TEPSIN: variants seen among roughly 807,000 people sequenced by gnomAD.
The protein encoded by TEPSIN is TEPSIN adaptor related protein complex 4 accessory protein.
TEPSIN carries 50 observed loss-of-function variants against 48.5 expected under a neutral mutation model. The ratio of observed to expected loss-of-function variants is 1.03; its 90% CI spans 0.82 to 1.31. TEPSIN has a LOEUF of 1.31. Ranked by LOEUF, TEPSIN falls within the 50% of genes most tolerant of loss-of-function variation. The probability of loss-of-function intolerance (pLI) is 0.00; values close to 1 mark genes in which losing one functional copy is unlikely to be tolerated. For missense variants in TEPSIN, 838 were observed against 815.9 expected, an observed-to-expected ratio of 1.03 and a Z score of -0.33; for synonymous variants, 392 against 358.8, an observed-to-expected ratio of 1.09 and a Z score of -1.05.
chr17:81,233,324 G>C lies in TEPSIN; in HGVS notation c.526+108C>G, dbSNP rs531682751. The C allele has an allele frequency of 4.2e-5, 55 of 1,314,098 alleles. No individual in the cohort carries two copies. In the East Asian group the frequency reaches 1.2e-3, roughly 28 times the overall value. The allele number at this position is 1,314,098 out of a possible 1,614,324, so 81.4% of individuals were successfully genotyped here. The stretch of plus-strand genomic sequence containing the variant: ...GAAGGGTTGAGGCCATGTAGGGGAG[G>C]GGACGGGGGACAGCAGCTACTAGAT... On this transcript the variant is annotated intron_variant, in intron 7 of 12. Coordinates refer to ENST00000637944, the MANE Select transcript of TEPSIN (RefSeq NM_001363764.2). The surrounding 1 kb of genome is among the most constrained non-coding windows in gnomAD (Gnocchi z 5.8).
rs1479845001 is a variant in TEPSIN, at chr17:81,230,841, A to G, written c.1099-163T>C. The G allele has an allele frequency of 5.6e-6, 5 of 886,774 alleles. No homozygotes were observed. The highest frequency in any genetic ancestry group is 6.5e-6 in the Non-Finnish European group (4 of 618,728). The allele number at this position is 886,774 out of a possible 1,614,324, so 54.9% of individuals were successfully genotyped here. A position where few individuals can be genotyped will look rare whatever the true frequency, so the allele number is the denominator to read the frequency against. ...CACAGCCCTGTCCTCACCGCCTTAC[A>G]CCCCGGATCCCAGACACCACAGCCC... On this transcript the variant is annotated intron_variant, in intron 11 of 12. Coordinates refer to ENST00000637944, the MANE Select transcript of TEPSIN (RefSeq NM_001363764.2). The surrounding 1 kb of genome is among the most constrained non-coding windows in gnomAD (Gnocchi z 4.2).
chr17:81,234,966 A>G lies in TEPSIN; in HGVS notation c.308-918T>C, dbSNP rs142316808. On this transcript the variant is annotated intron_variant, in intron 4 of 12. Coordinates refer to ENST00000637944, the MANE Select transcript of TEPSIN (RefSeq NM_001363764.2). This position sits in a 1 kb window ranked among gnomAD's most constrained non-coding sequence, Gnocchi z 5.4. Reference sequence around the variant, plus strand: ...AGGTCAGCACGACCATGAACCACAAATAACATCTCCAACCAGAAACATTCC... The same window carrying G: ...AGGTCAGCACGACCATGAACCACAAGTAACATCTCCAACCAGAAACATTCC... Among the ~76,000 whole-genome samples the G allele has an allele frequency of 4.6e-5, 7 of 152,246 alleles. 1 individual carries two copies. The highest frequency in any genetic ancestry group is 1.7e-4 in the African/African-American group (7 of 41,556).
At position 81,229,353 on chromosome 17, in the gene TEPSIN, G is replaced by C. The variant is rs2062538727; in HGVS notation, c.1357C>G (p.Pro453Ala). 6.4e-7 allele frequency: 1 copy of C among 1,563,138 alleles called. No homozygotes were observed. The highest frequency in any genetic ancestry group is 1.4e-5 in the African/African-American group (1 of 73,628). The change falls in exon 13 of 13, where the codon CCT becomes GCT. Residue 453 changes from proline to alanine, a missense_variant. Transcript: ENST00000637944. The stretch of plus-strand genomic sequence containing the variant: ...GGCTGCAGGAAGACCTGGCTCCCAG[G>C]GAGAGGCACAGCGTCGGTCAGCAGG... ...SDLLTDAVPLPGSQVFLQPLS... is the reference protein window; with the variant it reads ...SDLLTDAVPLAGSQVFLQPLS...
chr17:81,228,655 C>CTTGT lies in TEPSIN; in HGVS notation c.*272_*273insACAA. ...GCTTCCGCATTCATACAAGAAACCT[C>CTTGT]ATGTCTGAGAGCAAGACAGGCAGGG... On this transcript the variant is annotated 3_prime_UTR_variant, in exon 13 of 13. Coordinates refer to ENST00000637944, the MANE Select transcript of TEPSIN (RefSeq NM_001363764.2). 1.9e-6 allele frequency: 1 copy of CTTGT among 532,154 alleles called. No individual in the cohort carries two copies. Among genetic ancestry groups the CTTGT allele is most frequent in the Non-Finnish European group, 3.3e-6 (1 of 306,086 alleles). 33.0% of individuals were successfully genotyped at this position (532,154 alleles called of 1,614,324 possible).
chr17:81,235,684 C>T (rs971434688), intron 4 of TEPSIN, among the ~76,000 whole-genome samples: 7 of 152,144 alleles, frequency 4.6e-5, no homozygotes, highest in South Asian at 4.1e-4. Flanking sequence ...GCCTGGAGCC[C>T]GGGGCCCTCT....
chr17:81,236,895 C>T (rs991262873), intron 3 of TEPSIN, 85 bp downstream of exon 3: 150 of 1,529,358 alleles, frequency 9.8e-5, no homozygotes, highest in Non-Finnish European at 1.2e-4. Flanking sequence ...GAGCTGCCTG[C>T]CACCCTGGGC....
At chr17:81,231,183 G>A (rs906174) in intron 11 of TEPSIN, 566,983 of 596,700 alleles carry the variant, frequency 0.95, 269,748 homozygotes, top group Admixed American at 0.97. Context: ...TGTACACACC[G>A]CACACATGCA....
At chr17:81,237,146 G>A in intron 2 of TEPSIN, 75 bp from the exon 3 acceptor site, 1 of 1,456,596 alleles carries the variant, frequency 6.9e-7, no homozygotes, top group African/African-American at 1.4e-5. Context: ...AGGCCATGGG[G>A]CCTCTCAGTT....
chr17:81,237,324 T>C, intron 2 of TEPSIN, 63 bp downstream of exon 2: 4 of 1,552,022 alleles, frequency 2.6e-6, no homozygotes, highest in Non-Finnish European at 3.5e-6. Context: ...AGGAACCCTT[T>C]GCACCACTCT....
chr17:81,230,465 C>A lies in TEPSIN; in HGVS notation c.1233+79G>T, dbSNP rs916177459. 15 of 1,557,164 alleles carry A rather than the reference C, an allele frequency of 9.6e-6. No individual in the cohort carries two copies. Among genetic ancestry groups the A allele is most frequent in the Non-Finnish European group, 1.1e-5 (13 of 1,151,624 alleles). ...GGGCTGACCAGGCGCCGGGCAGGGA[C>A]GGGGTGGCCGTGGACTGCAGCGTAT... is the stretch of plus-strand genomic sequence containing the variant. On this transcript the variant is annotated intron_variant, in intron 12 of 12. Coordinates refer to ENST00000637944, the MANE Select transcript of TEPSIN (RefSeq NM_001363764.2). The surrounding 1 kb of genome is among the most constrained non-coding windows in gnomAD (Gnocchi z 4.2).
At position 81,234,073 on chromosome 17, in the gene TEPSIN, G is replaced by C. The variant is rs769381884; in HGVS notation, c.308-25C>G. On this transcript the variant is annotated intron_variant, in intron 4 of 12. Coordinates refer to ENST00000637944, the MANE Select transcript of TEPSIN (RefSeq NM_001363764.2). The surrounding 1 kb of genome is among the most constrained non-coding windows in gnomAD (Gnocchi z 5.4). ...GCTGCAGAACAGAAAAGGCAAGTCG[G>C]GGGCAGGGCTGAGCCTGGCACCGCT... 1 of 1,566,566 alleles carries C rather than the reference G, an allele frequency of 6.4e-7. No individual in the cohort carries two copies. Among genetic ancestry groups the C allele is most frequent in the Non-Finnish European group, 8.6e-7 (1 of 1,160,976 alleles).
chr17:81,234,411 T>C lies in TEPSIN; in HGVS notation c.308-363A>G, dbSNP rs867055078. Among the ~76,000 whole-genome samples the C allele has an allele frequency of 6.6e-5, 10 of 152,116 alleles. No individual in the cohort carries two copies. Among genetic ancestry groups the C allele is most frequent in the Middle Eastern group, 3.4e-3 (1 of 294 alleles). On this transcript the variant is annotated intron_variant, in intron 4 of 12. Transcript: ENST00000637944. This position sits in a 1 kb window ranked among gnomAD's most constrained non-coding sequence, Gnocchi z 5.4. ...CGGGGCCTGGAGGGAGAAACCAGCG[T>C]TCTTATCACAGCCTGAAAGCTCCAC...
chr17:81,231,345 G>T (rs1024140187), intron 11 of TEPSIN, 53 bp downstream of exon 11: 1 of 1,452,930 alleles, frequency 6.9e-7, no homozygotes, highest in Non-Finnish European at 9.2e-7. Flanking sequence ...GCACACACAC[G>T]CACACAGGCA....
chr17:81,237,574 G>A, intron 1 of TEPSIN, 115 bp from the exon 2 acceptor site: 2 of 1,097,190 alleles, frequency 1.8e-6, no homozygotes, highest in South Asian at 3.2e-5. Flanking sequence ...CATGGCCGGA[G>A]AGAGGACTGG....
In TEPSIN at chr17:81,233,315, G is replaced by T; in HGVS notation, c.526+117C>A. On this transcript the variant is annotated intron_variant, in intron 7 of 12. Coordinates refer to ENST00000637944, the MANE Select transcript of TEPSIN (RefSeq NM_001363764.2). The surrounding 1 kb of genome is among the most constrained non-coding windows in gnomAD (Gnocchi z 5.8). ...CAGCCCCAGGAAGGGTTGAGGCCATGTAGGGGAGGGGACGGGGGACAGCAG... is the reference window on the plus strand; with the variant it reads ...CAGCCCCAGGAAGGGTTGAGGCCATTTAGGGGAGGGGACGGGGGACAGCAG... The T allele has an allele frequency of 8.1e-7, 1 of 1,236,600 alleles. No homozygotes were observed. The highest frequency in any genetic ancestry group is 1.1e-6 in the Non-Finnish European group (1 of 896,130). The allele number at this position is 1,236,600 out of a possible 1,614,324, so 76.6% of individuals were successfully genotyped here. A position where few individuals can be genotyped will look rare whatever the true frequency, so the allele number is the denominator to read the frequency against.
rs1412028838 is a variant in TEPSIN, at chr17:81,229,232, A to G, written c.1478T>C (p.Ile493Thr). The change falls in exon 13 of 13, where the codon ATT becomes ACT. Residue 493 changes from isoleucine (I) to threonine (T), a missense_variant. Coordinates refer to ENST00000637944, the MANE Select transcript of TEPSIN (RefSeq NM_001363764.2). ...VPTPPPDASP[I>T]PAPGDPSEAE... The stretch of plus-strand genomic sequence containing the variant: ...CTCGCTGGGGTCTCCGGGGGCTGGA[A>G]TGGGGGAGGCATCTGGGGGTGGGGT... The G allele has an allele frequency of 9.3e-6, 8 of 857,688 alleles. No homozygotes were observed. Among genetic ancestry groups the G allele is most frequent in the African/African-American group, 2.7e-5 (1 of 36,968 alleles). The allele number at this position is 857,688 out of a possible 1,614,324, so 53.1% of individuals were successfully genotyped here.
chr17:81,237,076 GGC>G lies in TEPSIN; in HGVS notation c.122-7_122-6del. On this transcript the variant is annotated splice_polypyrimidine_tract_variant and splice_region_variant and intron_variant, in intron 2 of 12. Coordinates refer to ENST00000637944, the MANE Select transcript of TEPSIN (RefSeq NM_001363764.2). ...CCGGAGACTCGTGGGAGATTTCTGC[GGC>G]ACGCTCGGGTTAGGGAAGGGCGAGA... 6.3e-7 allele frequency: 1 copy of G among 1,580,602 alleles called. No individual in the cohort carries two copies.
At chr17:81,231,714 C>A in intron 9 of TEPSIN, 23 bp from the exon 10 acceptor site, 1 of 1,610,476 alleles carries the variant, frequency 6.2e-7, no homozygotes, top group South Asian at 1.1e-5. Context: ...ATGGCCGGGT[C>A]AAGGGTGAGT....
chr17:81,236,534 C>T (rs989830838), intron 4 of TEPSIN, 174 bp downstream of exon 4: 11 of 700,706 alleles, frequency 1.6e-5, no homozygotes, highest in Admixed American at 1.3e-4. Context: ...TGAGGGTGGG[C>T]AGCAGGTGGA....
Sources: allele counts gnomAD v4.1 joint callset (sites outside exome capture counted in the v4.1 genomes callset), GRCh38; gene constraint gnomAD v4.1.1; non-coding constraint Gnocchi (gnomAD v3.1); transcripts MANE v1.5; gene names NCBI Gene and HGNC (gene_info 2026-07-23, HGNC 2026-07-21).